Variants in COPS2 observed in about 807,000 individuals in gnomAD.
COPS2 encodes the protein COP9 signalosome subunit 2.
A neutral mutation model predicts 66.1 loss-of-function variants in COPS2; 10 were observed. That is an observed-to-expected ratio of 0.15 (90% confidence interval 0.09 to 0.26). The LOEUF is 0.26. COPS2 is among the 10% of genes least tolerant of loss of function. The pLI, the probability that COPS2 is intolerant of heterozygous loss-of-function variation, is 1.00. For synonymous variants in COPS2, 179 were observed against 171.3 expected, an observed-to-expected ratio of 1.04 and a Z score of -0.35; for missense variants, 215 against 513.3, an observed-to-expected ratio of 0.42 and a Z score of 5.62.
At chr15:49,140,185 G>A (rs1230885671) in intron 3 of COPS2, among the ~76,000 whole-genome samples, 1 of 151,658 alleles carries the variant, frequency 6.6e-6, no homozygotes, top group Non-Finnish European at 1.5e-5. Context: ...AGTAGGGACA[G>A]GGTTTCTCCA....
intron 4 of COPS2, among the ~76,000 whole-genome samples, chr15:49,138,898 G>C (rs1282673487): frequency 1.3e-5 from 2 of 152,078 alleles, no homozygotes; most frequent in Non-Finnish European, 2.9e-5. Context: ...CTGCTTACAA[G>C]GATAAGGACA....
chr15:49,128,022 T>C lies in COPS2; in HGVS notation c.1260A>G (p.Arg420=). The C allele has an allele frequency of 6.2e-7, 1 of 1,613,998 alleles. No individual in the cohort carries two copies. Among genetic ancestry groups the C allele is most frequent in the Non-Finnish European group, 8.5e-7 (1 of 1,179,908 alleles). ...TGGTCCATTTATCTAGTGCAGTATA[T>C]CGTGCACCACCCCTCTTCTGATGAT... The part of the protein sequence containing the change: ...ELDHQKRGGA[R]YTALDKWTNQ... Residue 420 remains arginine, a synonymous_variant, in exon 13 of 13, where the codon CGA becomes CGG. Transcript: ENST00000388901.
At chr15:49,132,953 C>T (rs1230040719) in intron 9 of COPS2, among the ~76,000 whole-genome samples, 1 of 152,028 alleles carries the variant, frequency 6.6e-6, no homozygotes, top group African/African-American at 2.4e-5. Context: ...TTCTGTCACC[C>T]CACACTCCAC....
intron 3 of COPS2, among the ~76,000 whole-genome samples, chr15:49,142,975 T>C (rs1413094728): frequency 1.3e-5 from 2 of 152,054 alleles, no homozygotes; most frequent in African/African-American, 4.8e-5. Context: ...CATGGTGACA[T>C]ATGCAAAGAA....
Position 49,130,786 on chromosome 15 carries a change from A to G in COPS2, c.978T>C (p.Phe326=). 1.9e-6 allele frequency: 3 copies of G among 1,597,486 alleles called. No homozygotes were observed. The highest frequency in any genetic ancestry group is 1.7e-6 in the Non-Finnish European group (2 of 1,165,998). Residue 326 remains phenylalanine (F), a synonymous_variant, in exon 10 of 13, where the codon TTT becomes TTC. Transcript: ENST00000388901. The part of the protein sequence containing the change: ...SAYQNNDITE[F]EKILKTNHSN... Reference sequence around the variant, plus strand: ...TGTGATTTGTTTTTAGAATCTTTTCAAATTCAGTGATGTCATTATTCTGAT... The same window carrying G: ...TGTGATTTGTTTTTAGAATCTTTTCGAATTCAGTGATGTCATTATTCTGAT...
chr15:49,144,345 C>A (rs780906211), intron 2 of COPS2, 41 bp from the exon 3 acceptor site: 2 of 1,188,966 alleles, frequency 1.7e-6, no homozygotes, highest in South Asian at 2.5e-5. Flanking sequence ...TTAATATTAA[C>A]ACATTATTTT....
chr15:49,155,379 G>T, intron 1 of COPS2, 146 bp downstream of exon 1: 2 of 693,644 alleles, frequency 2.9e-6, no homozygotes, highest in East Asian at 2.8e-5. Context: ...GTGCGGGAAC[G>T]GGGAGGAGGT....
Position 49,130,805 on chromosome 15 carries a change from T to C in COPS2, c.959A>G (p.Asn320Ser), listed in dbSNP as rs748242784. Residue 320 changes from asparagine (N) to serine (S), a missense_variant, in exon 10 of 13, where the codon AAT becomes AGT. This residue lies in a region of COPS2 where 56 missense variants were observed against 173.6 expected (regional missense o/e 0.32). Coordinates refer to ENST00000388901, the MANE Select transcript of COPS2 (RefSeq NM_004236.4). ...CTTTTCAAATTCAGTGATGTCATTA[T>C]TCTGATAGGCACTAATAGAAAAACA... ...AMTNLVSAYQNNDITEFEKIL... is the reference protein window; with the variant it reads ...AMTNLVSAYQSNDITEFEKIL... The C allele has an allele frequency of 6.4e-7, 1 of 1,564,342 alleles. No homozygotes were observed. Among genetic ancestry groups the C allele is most frequent in the South Asian group, 1.1e-5 (1 of 89,760 alleles).
In COPS2 at chr15:49,125,979, G is replaced by C. The variant is rs2084162698; in HGVS notation, c.*1971C>G. The C allele has an allele frequency of 1.3e-5, 2 of 152,304 alleles. No individual in the cohort carries two copies. The highest frequency in any genetic ancestry group is 4.1e-4 in the South Asian group (2 of 4,824). 9.4% of individuals were successfully genotyped at this position (152,304 alleles called of 1,614,324 possible). On this transcript the variant is annotated 3_prime_UTR_variant, in exon 13 of 13. Transcript: ENST00000388901. ...GAATTCTAATTCCATCAACTCAAAA[G>C]TTAAGAAGGGCTTTAGCTTTCAAGG...
At chr15:49,147,349 A>C (rs2084327767) in intron 1 of COPS2, among the ~76,000 whole-genome samples, 1 of 152,208 alleles carries the variant, frequency 6.6e-6, no homozygotes, top group Admixed American at 6.5e-5. Flanking sequence ...CATTGATCAC[A>C]AAGTAAAAAT....
rs2084136664 is a variant in COPS2 at position 49,122,996 on chromosome 15, C to T, written c.*4954G>A. 1 of 152,142 alleles carries T rather than the reference C, an allele frequency of 6.6e-6. No individual in the cohort carries two copies. The highest frequency in any genetic ancestry group is 1.5e-5 in the Non-Finnish European group (1 of 68,008). The allele number at this position is 152,142 out of a possible 1,614,324, so 9.4% of individuals were successfully genotyped here. On this transcript the variant is annotated 3_prime_UTR_variant, in exon 13 of 13. Coordinates refer to ENST00000388901, the MANE Select transcript of COPS2 (RefSeq NM_004236.4). ...AACAAAATGGAGAAAATTTATAATG[C>T]AACCAATTATGTAACACATTGCAAA...
chr15:49,131,866 TG>T (rs963710711), intron 9 of COPS2, among the ~76,000 whole-genome samples: 3 of 152,218 alleles, frequency 2.0e-5, no homozygotes, highest in African/African-American at 7.2e-5. Flanking sequence ...TACAAAATTG[TG>T]GGACACCATG....
intron 9 of COPS2, among the ~76,000 whole-genome samples, chr15:49,133,443 G>C (rs1436816650): frequency 6.6e-6 from 1 of 152,218 alleles, no homozygotes; most frequent in Non-Finnish European, 1.5e-5. Flanking sequence ...GGTATAGGCA[G>C]TATCATTGTG....
intron 12 of COPS2, 109 bp from the exon 13 acceptor site, chr15:49,128,203 TG>T: frequency 9.8e-7 from 1 of 1,015,574 alleles, no homozygotes; most frequent in Non-Finnish European, 1.4e-6. Flanking sequence ...AAAAAGCAGC[TG>T]CCTACATTAA....
intron 10 of COPS2, among the ~76,000 whole-genome samples, chr15:49,129,966 G>C (rs893496272): frequency 6.6e-6 from 1 of 152,004 alleles, no homozygotes; most frequent in African/African-American, 2.4e-5. Flanking sequence ...AGTTTTGTCT[G>C]TACAATAGTT....
intron 2 of COPS2, 67 bp from the exon 3 acceptor site, chr15:49,144,371 G>C: frequency 1.1e-6 from 1 of 877,710 alleles, no homozygotes; most frequent in East Asian, 2.4e-5. Context: ...GATGCCCAAT[G>C]TGTAAGTATT....
rs1480840111 is a variant in COPS2 at position 49,126,357 on chromosome 15, A to T, written c.*1593T>A. ...TATTTTTAGTATAAATATATATCAC[A>T]TATTTTCGTAAAATTTTGACAAAAC... On this transcript the variant is annotated 3_prime_UTR_variant, in exon 13 of 13. Coordinates refer to ENST00000388901, the MANE Select transcript of COPS2 (RefSeq NM_004236.4). 1 of 152,370 alleles carries T rather than the reference A, an allele frequency of 6.6e-6. No individual in the cohort carries two copies. The highest frequency in any genetic ancestry group is 1.9e-4 in the East Asian group (1 of 5,194). The allele number at this position is 152,370 out of a possible 1,614,324, so 9.4% of individuals were successfully genotyped here.
rs1219159885 is a variant in COPS2 at position 49,127,804 on chromosome 15, AC to A, written c.*145del. The A allele has an allele frequency of 2.2e-5, 18 of 821,642 alleles. No homozygotes were observed. Among genetic ancestry groups the A allele is most frequent in the Non-Finnish European group, 3.3e-5 (18 of 541,106 alleles). The allele number at this position is 821,642 out of a possible 1,614,324, so 50.9% of individuals were successfully genotyped here. A position where few individuals can be genotyped will look rare whatever the true frequency, so the allele number is the denominator to read the frequency against. ...GGATAAATGCAGCAGCAAAACACAA[AC>A]CAGTTGATCAAAAAAGCACTTCTGC... On this transcript the variant is annotated 3_prime_UTR_variant, in exon 13 of 13. Transcript: ENST00000388901.
In COPS2 at chr15:49,130,825, AAAAC is replaced by A; in HGVS notation, c.948-13_948-10del. ...CATTATTCTGATAGGCACTAATAGA[AAAAC>A]AAAGTGTAAATTATGTCAAACATGA... On this transcript the variant is annotated splice_polypyrimidine_tract_variant and intron_variant, in intron 9 of 12. Transcript: ENST00000388901. 2 of 1,423,692 alleles carry A rather than the reference AAAAC, an allele frequency of 1.4e-6. No individual in the cohort carries two copies. Among genetic ancestry groups the A allele is most frequent in the Non-Finnish European group, 2.0e-6 (2 of 1,010,028 alleles). 88.2% of individuals were successfully genotyped at this position (1,423,692 alleles called of 1,614,324 possible).
Sources: gnomAD v4.1 joint callset for allele counts (sites outside exome capture counted in the v4.1 genomes callset) on GRCh38, gnomAD v4.1.1 for gene constraint, gnomAD v4.1.1 regional missense constraint, MANE v1.5 for transcripts, NCBI Gene and HGNC (gene_info 2026-07-23, HGNC 2026-07-21) for gene names.